SPIDR: variants seen among roughly 807,000 people sequenced by gnomAD.
The protein encoded by SPIDR is scaffold protein involved in DNA repair, also known as DNA repair-scaffolding protein.
Under a neutral mutation model 104.6 loss-of-function variants are expected in SPIDR, and 93 were observed. That is an observed-to-expected ratio of 0.89 (90% CI 0.75 to 1.06). The LOEUF is 1.06. SPIDR is among the 50% of genes least tolerant of loss of function. The pLI is 0.00. For missense variants in SPIDR, 1,154 were observed against 1,111.2 expected, an observed-to-expected ratio of 1.04 and a Z score of -0.55; for synonymous variants, 431 against 416.9, an observed-to-expected ratio of 1.03 and a Z score of -0.41.
chr8:47,529,084 C>A (rs2085494291), intron 8 of SPIDR, among the ~76,000 whole-genome samples: 1 of 152,152 alleles, frequency 6.6e-6, no homozygotes, highest in Non-Finnish European at 1.5e-5. Flanking sequence ...ATCAGACTTC[C>A]CTTCAGAAAT....
intron 16 of SPIDR, among the ~76,000 whole-genome samples, chr8:47,718,442 T>C (rs992809983): frequency 6.6e-5 from 10 of 152,202 alleles, no homozygotes; most frequent in African/African-American, 1.4e-4. Flanking sequence ...GCCAGTTGTA[T>C]TTAGGCAGTT....
At chr8:47,434,395 A>G (rs147326560) in intron 7 of SPIDR, among the ~76,000 whole-genome samples, 8 of 152,280 alleles carry the variant, frequency 5.3e-5, no homozygotes, top group African/African-American at 1.7e-4. Context: ...GAAGAAGACA[A>G]AAGTACCAAT....
chr8:47,290,043 G>A (rs943716012), intron 3 of SPIDR, among the ~76,000 whole-genome samples: 1 of 151,504 alleles, frequency 6.6e-6, no homozygotes, highest in African/African-American at 2.4e-5. Flanking sequence ...TAACCTTTTT[G>A]TGTGTGTGTG....
chr8:47,369,176 G>GT, intron 5 of SPIDR, among the ~76,000 whole-genome samples: 1 of 152,304 alleles, frequency 6.6e-6, no homozygotes, highest in South Asian at 2.1e-4. Flanking sequence ...GTGAGTGAGA[G>GT]TGTTCTTCCC....
At position 47,284,080 on chromosome 8, in the gene SPIDR, C is replaced by G; in HGVS notation, c.242C>G (p.Pro81Arg). ...TITEKHLELC[P>R]RPKQETTTSK... ...ACAGAAAAGCACCTTGAATTATGCC[C>G]TAGACCCAAGCAAGGTAACTATTTT... Residue 81 changes from proline (P) to arginine (R), a missense_variant, in exon 3 of 20, where the codon CCT becomes CGT. Coordinates refer to ENST00000297423, the MANE Select transcript of SPIDR (RefSeq NM_001080394.4). 1 of 1,611,182 alleles carries G rather than the reference C, an allele frequency of 6.2e-7. No homozygotes were observed. Among genetic ancestry groups the G allele is most frequent in the South Asian group, 1.1e-5 (1 of 90,738 alleles).
rs186585087 is a variant in SPIDR at position 47,359,229 on chromosome 8, G to C, written c.526-37147G>C. On this transcript the variant is annotated intron_variant, in intron 5 of 19. Coordinates refer to ENST00000297423, the MANE Select transcript of SPIDR (RefSeq NM_001080394.4). Reference sequence around the variant, plus strand: ...CCACTGCAGTCCGCAGTCCGGCCTGGGCGACAGAGCGAGACTCCGTCTCAA... The same window carrying C: ...CCACTGCAGTCCGCAGTCCGGCCTGCGCGACAGAGCGAGACTCCGTCTCAA... Among the ~76,000 whole-genome samples, 753 of 148,856 alleles carry C rather than the reference G, an allele frequency of 5.1e-3. 7 individuals carry two copies. In the East Asian group the frequency reaches 0.06, roughly 12 times the overall value.
chr8:47,734,113 G>A (rs1307824748), intron 19 of SPIDR, among the ~76,000 whole-genome samples: 1 of 152,146 alleles, frequency 6.6e-6, no homozygotes, highest in African/African-American at 2.4e-5. Context: ...GTTTGGACAG[G>A]GCTTCATCCG....
intron 8 of SPIDR, among the ~76,000 whole-genome samples, chr8:47,545,915 T>G (rs1204920874): frequency 6.6e-6 from 1 of 152,168 alleles, no homozygotes; most frequent in African/African-American, 2.4e-5. Context: ...TATAATTTAA[T>G]GTGGTAGATT....
chr8:47,292,840 G>C (rs971104936), intron 4 of SPIDR, among the ~76,000 whole-genome samples: 1 of 151,958 alleles, frequency 6.6e-6, no homozygotes, highest in Non-Finnish European at 1.5e-5. Context: ...TATCTCGAAT[G>C]GTGTGATGGG....
intron 8 of SPIDR, among the ~76,000 whole-genome samples, chr8:47,514,693 G>C (rs1564196506): frequency 6.6e-6 from 1 of 152,150 alleles, no homozygotes; most frequent in Admixed American, 6.5e-5. Context: ...ATCAGAATAT[G>C]ATGAGGGAGA....
In SPIDR at chr8:47,727,108, G is replaced by C. The variant is rs1214374352; in HGVS notation, c.2342-92G>C. The C allele has an allele frequency of 6.9e-6, 7 of 1,012,646 alleles. No individual in the cohort carries two copies. The East Asian group carries it at 1.7e-4, about 25-fold the overall frequency. The allele number at this position is 1,012,646 out of a possible 1,614,324, so 62.7% of individuals were successfully genotyped here. On this transcript the variant is annotated intron_variant, in intron 16 of 19. Transcript: ENST00000297423. ...TCCCAAGTAAGGCAAAAATCACGAG[G>C]CCCCTCATGTTGTCCTCTGCACGTG...
At position 47,712,757 on chromosome 8, in the gene SPIDR, C is replaced by G; in HGVS notation, c.2073C>G (p.Pro691=). Residue 691 remains proline (P), a synonymous_variant, in exon 15 of 20, where the codon CCC becomes CCG. Coordinates refer to ENST00000297423, the MANE Select transcript of SPIDR (RefSeq NM_001080394.4). ...AGGAGGAGAGAGACCCCAGGCTCCC[C>G]AAAACCCTGCTGGTCTATGTGGCCC... ...QTKEERDPRL[P]KTLLVYVAPL... 3 of 1,614,150 alleles carry G rather than the reference C, an allele frequency of 1.9e-6. No homozygotes were observed. The highest frequency in any genetic ancestry group is 2.5e-6 in the Non-Finnish European group (3 of 1,180,026).
intron 5 of SPIDR, among the ~76,000 whole-genome samples, chr8:47,333,999 GA>G: frequency 6.6e-6 from 1 of 152,248 alleles, no homozygotes; most frequent in South Asian, 2.1e-4. Flanking sequence ...TCATATAGTT[GA>G]AAACGTTTAT....
At chr8:47,457,859 C>T (rs997415810) in intron 8 of SPIDR, among the ~76,000 whole-genome samples, 1 of 152,080 alleles carries the variant, frequency 6.6e-6, no homozygotes, top group African/African-American at 2.4e-5. Flanking sequence ...GTGTCCTTTC[C>T]CCACTTTATG....
intron 10 of SPIDR, among the ~76,000 whole-genome samples, chr8:47,668,997 C>T (rs565367616): frequency 2.6e-5 from 4 of 152,204 alleles, no homozygotes; most frequent in South Asian, 2.1e-4. Flanking sequence ...TGCCCTAAAT[C>T]ACTATATCAT....
chr8:47,681,366 C>G (rs1044299591), intron 11 of SPIDR, among the ~76,000 whole-genome samples: 1 of 151,916 alleles, frequency 6.6e-6, no homozygotes, highest in South Asian at 2.1e-4. Flanking sequence ...TCTAAGCATC[C>G]GGATTGCGAT....
intron 8 of SPIDR, among the ~76,000 whole-genome samples, chr8:47,467,120 T>C (rs994141379): frequency 6.6e-6 from 1 of 151,924 alleles, no homozygotes; most frequent in African/African-American, 2.4e-5. Context: ...GTAGAGGGAA[T>C]GGATAAATTC....
chr8:47,346,906 C>G (rs2052214049), intron 5 of SPIDR, among the ~76,000 whole-genome samples: 2 of 151,972 alleles, frequency 1.3e-5, no homozygotes, highest in African/African-American at 4.8e-5. Context: ...AAAAACAGCC[C>G]CTGGATTCAT....
In SPIDR at chr8:47,342,633, G is replaced by A. The variant is rs1376584382; in HGVS notation, c.525+48603G>A. Among the ~76,000 whole-genome samples, 4 of 151,952 alleles carry A rather than the reference G, an allele frequency of 2.6e-5. No individual in the cohort carries two copies. In the South Asian group the frequency reaches 6.2e-4, roughly 24 times the overall value. On this transcript the variant is annotated intron_variant, in intron 5 of 19. Transcript: ENST00000297423. Reference sequence around the variant, plus strand: ...ATTACAGGTATGATCAAGTGCACCCGGCCTGAAATGTCTTATTTTTTATAT... The same window carrying A: ...ATTACAGGTATGATCAAGTGCACCCAGCCTGAAATGTCTTATTTTTTATAT...
Sources: gnomAD v4.1 joint callset for allele counts (sites outside exome capture counted in the v4.1 genomes callset) on GRCh38, gnomAD v4.1.1 for gene constraint, MANE v1.5 for transcripts, NCBI Gene and HGNC (gene_info 2026-07-23, HGNC 2026-07-21) for gene names.